Variants in SHROOM3 observed in about 807,000 individuals in gnomAD.
SHROOM3 encodes the protein shroom family member 3.
A neutral mutation model predicts 138.6 loss-of-function variants in SHROOM3; 47 were observed. The ratio of observed to expected loss-of-function variants is 0.34; its 90% CI spans 0.27 to 0.43. SHROOM3 has a LOEUF of 0.43. Among genes scored for constraint, SHROOM3 ranks in the 20% least tolerant of loss-of-function variants. The pLI is 1.00. For missense variants in SHROOM3, 2,491 were observed against 2,596.5 expected (o/e 0.96, Z 0.88); for synonymous variants, 1,062 against 1,063.3 (o/e 1.00, Z 0.02).
At chr4:76,726,686 G>A (rs1720715722) in intron 3 of SHROOM3, among the ~76,000 whole-genome samples, 1 of 151,858 alleles carries the variant, frequency 6.6e-6, no homozygotes, top group African/African-American at 2.4e-5. Flanking sequence ...GGGACTACAG[G>A]TGGATGCCAC....
chr4:76,540,008 C>T (rs777359898), intron 1 of SHROOM3, among the ~76,000 whole-genome samples: 1 of 152,152 alleles, frequency 6.6e-6, no homozygotes, highest in Admixed American at 6.5e-5. Context: ...GCACCATGCC[C>T]GGCTAATTTT....
chr4:76,566,387 T>A (rs2110035572), intron 2 of SHROOM3, among the ~76,000 whole-genome samples: 1 of 152,286 alleles, frequency 6.6e-6, no homozygotes. Context: ...CAATCCCCCA[T>A]GAATGCAGAG....
At chr4:76,519,078 G>A (rs765170661) in intron 1 of SHROOM3, among the ~76,000 whole-genome samples, 37 of 152,198 alleles carry the variant, frequency 2.4e-4, no homozygotes, top group Admixed American at 2.6e-4. Flanking sequence ...CTCTCTGGTT[G>A]TAAGTGAAGA....
intron 2 of SHROOM3, among the ~76,000 whole-genome samples, chr4:76,703,798 A>G (rs1719969743): frequency 6.6e-6 from 1 of 152,238 alleles, no homozygotes; most frequent in Non-Finnish European, 1.5e-5. Context: ...CACCCAACAT[A>G]AATCAAAAGG....
At chr4:76,766,844 C>T (rs1197327256) in intron 9 of SHROOM3, among the ~76,000 whole-genome samples, 2 of 152,216 alleles carry the variant, frequency 1.3e-5, no homozygotes, top group East Asian at 1.9e-4. Flanking sequence ...ACTGACGTGA[C>T]CACTCAGTAA....
At chr4:76,613,908 A>G (rs1734816281) in intron 2 of SHROOM3, among the ~76,000 whole-genome samples, 1 of 152,244 alleles carries the variant, frequency 6.6e-6, no homozygotes, top group Non-Finnish European at 1.5e-5. Flanking sequence ...TACAGATTGT[A>G]AAACAGATTT....
intron 2 of SHROOM3, among the ~76,000 whole-genome samples, chr4:76,703,387 T>TAA (rs556590281): frequency 0.011 from 1,599 of 152,078 alleles, 28 homozygotes; most frequent in African/African-American, 0.037. Flanking sequence ...TTACAAAAGG[T>TAA]CAGTAACAGG....
At chr4:76,759,147 C>T (rs1721909987) in intron 8 of SHROOM3, among the ~76,000 whole-genome samples, 1 of 152,180 alleles carries the variant, frequency 6.6e-6, no homozygotes, top group Non-Finnish European at 1.5e-5. Flanking sequence ...TGACCTAAAA[C>T]CTGAGGTTTG....
intron 1 of SHROOM3, among the ~76,000 whole-genome samples, chr4:76,470,027 A>C (rs942415523): frequency 1.3e-5 from 2 of 151,906 alleles, no homozygotes; most frequent in Non-Finnish European, 2.9e-5. Flanking sequence ...AATTTAAACA[A>C]AAATTATAGC....
Position 76,436,006 on chromosome 4 carries a change from T to C in SHROOM3, c.-47T>C. On this transcript the variant is annotated 5_prime_UTR_variant, in exon 1 of 11. Transcript: ENST00000296043. ...GCTGTAGAAGCACTGCTTGCCTGAGTTTGCTTCAGGCATTTTAAATTTAAC... is the reference window on the plus strand; with the variant it reads ...GCTGTAGAAGCACTGCTTGCCTGAGCTTGCTTCAGGCATTTTAAATTTAAC... The C allele has an allele frequency of 6.2e-7, 1 of 1,600,912 alleles. No individual in the cohort carries two copies. The highest frequency in any genetic ancestry group is 1.1e-5 in the South Asian group (1 of 90,290).
chr4:76,477,679 G>A (rs1170551860), intron 1 of SHROOM3, among the ~76,000 whole-genome samples: 1 of 152,194 alleles, frequency 6.6e-6, no homozygotes, highest in Non-Finnish European at 1.5e-5. Flanking sequence ...TGATTTTGTG[G>A]CTGGCAAGAT....
intron 2 of SHROOM3, among the ~76,000 whole-genome samples, chr4:76,617,371 A>AT (rs1734904161): frequency 6.6e-6 from 1 of 152,152 alleles, no homozygotes; most frequent in Non-Finnish European, 1.5e-5. Context: ...ACTTTTACTC[A>AT]TTTTTTCCCC....
At chr4:76,448,752 A>C (rs566764474) in intron 1 of SHROOM3, among the ~76,000 whole-genome samples, 3 of 152,296 alleles carry the variant, frequency 2.0e-5, no homozygotes, top group African/African-American at 7.2e-5. Context: ...GTTTCTGAGG[A>C]AATCCAAACT....
At position 76,517,601 on chromosome 4, in the gene SHROOM3, G is replaced by A. The variant is rs1732468914; in HGVS notation, c.169-38008G>A. ...AATTTCTCCTGATTGAGTTGCTTAG[G>A]GTTTTTGTTTGTTTGTTTGGTATAT... On this transcript the variant is annotated intron_variant, in intron 1 of 10. Transcript: ENST00000296043. Among the ~76,000 whole-genome samples the A allele has an allele frequency of 2.8e-5, 4 of 141,176 alleles. No homozygotes were observed. In the South Asian group the frequency reaches 9.2e-4, roughly 33 times the overall value. 92.6% of individuals were successfully genotyped at this position (141,176 alleles called of 152,430 possible). A position where few individuals can be genotyped will look rare whatever the true frequency, so the allele number is the denominator to read the frequency against.
At position 76,740,988 on chromosome 4, in the gene SHROOM3, ACCT is replaced by A; in HGVS notation, c.2819_2821del (p.Ser940del). On this transcript the variant is annotated inframe_deletion, in exon 5 of 11. Coordinates refer to ENST00000296043, the MANE Select transcript of SHROOM3 (RefSeq NM_020859.4). The surrounding 1 kb of genome is among the most constrained non-coding windows in gnomAD (Gnocchi z 4.0). ...CGCACAGTCCCGTGTCTTGGGGGCC[ACCT>A]CCTTTCGACGTCGAGACCTGGAGCT... is the stretch of plus-strand genomic sequence containing the variant. 2 of 1,490,392 alleles carry A rather than the reference ACCT, an allele frequency of 1.3e-6. No individual in the cohort carries two copies. Among genetic ancestry groups the A allele is most frequent in the Non-Finnish European group, 1.8e-6 (2 of 1,124,284 alleles). 92.3% of individuals were successfully genotyped at this position (1,490,392 alleles called of 1,614,324 possible). A position where few individuals can be genotyped will look rare whatever the true frequency, so the allele number is the denominator to read the frequency against.
intron 1 of SHROOM3, among the ~76,000 whole-genome samples, chr4:76,503,764 G>A (rs1732148811): frequency 6.6e-6 from 1 of 152,180 alleles, no homozygotes; most frequent in South Asian, 2.1e-4. Context: ...CCTTTGTCTA[G>A]TGATCTTGTA....
intron 1 of SHROOM3, among the ~76,000 whole-genome samples, chr4:76,510,838 G>C (rs1350421851): frequency 6.6e-6 from 1 of 152,152 alleles, no homozygotes; most frequent in Non-Finnish European, 1.5e-5. Context: ...CATCAGTGAA[G>C]TGAAGGGAGC....
intron 1 of SHROOM3, among the ~76,000 whole-genome samples, chr4:76,470,147 A>G (rs1406738775): frequency 6.6e-6 from 1 of 152,164 alleles, no homozygotes; most frequent in Non-Finnish European, 1.5e-5. Context: ...CATTTAACAT[A>G]AAGTTGAGGA....
At chr4:76,755,224 C>G in intron 7 of SHROOM3, 32 bp downstream of exon 7, 1 of 1,607,126 alleles carries the variant, frequency 6.2e-7, no homozygotes, top group Non-Finnish European at 8.5e-7. Context: ...CTTTCCCCCA[C>G]TAACAGGAGA....
Sources: allele counts gnomAD v4.1 joint callset (sites outside exome capture counted in the v4.1 genomes callset), GRCh38; gene constraint gnomAD v4.1.1; non-coding constraint Gnocchi (gnomAD v3.1); transcripts MANE v1.5; gene names NCBI Gene and HGNC (gene_info 2026-07-23, HGNC 2026-07-21).